The following DUOX1 variants were observed in gnomAD, a reference collection of about 807,000 sequenced individuals.
DUOX1 encodes the protein NADPH thyroid oxidase 1.
DUOX1 carries 134 observed loss-of-function variants against 181.8 expected under a neutral mutation model. The ratio of observed to expected loss-of-function variants is 0.74; its 90% CI spans 0.64 to 0.85. The LOEUF is 0.85. Among genes scored for constraint, DUOX1 ranks in the 40% least tolerant of loss-of-function variants. DUOX1 has a pLI of 0.00. For synonymous variants in DUOX1, 798 were observed against 832.5 expected, an observed-to-expected ratio of 0.96 and a Z score of 0.71; for missense variants, 1,814 against 2,064.4, an observed-to-expected ratio of 0.88 and a Z score of 2.35.
chr15:45,147,399 T>C, intron 18 of DUOX1, 34 bp from the exon 19 acceptor site: 2 of 1,602,576 alleles, frequency 1.2e-6, no homozygotes, highest in South Asian at 2.2e-5. Flanking sequence ...AAGCCTTGTC[T>C]CCTCTCCCTC....
At chr15:45,146,844 TG>T (rs1457615330) in intron 18 of DUOX1, among the ~76,000 whole-genome samples, 8 of 152,230 alleles carry the variant, frequency 5.3e-5, no homozygotes, top group Non-Finnish European at 1.0e-4. Flanking sequence ...TCTCTCATAC[TG>T]GGGAAGCCTC....
chr15:45,162,208 C>G lies in DUOX1; in HGVS notation c.4090-11C>G. The G allele has an allele frequency of 6.3e-7, 1 of 1,596,910 alleles. No individual in the cohort carries two copies. The highest frequency in any genetic ancestry group is 8.5e-7 in the Non-Finnish European group (1 of 1,170,130). The stretch of plus-strand genomic sequence containing the variant: ...GCCAAGCTTAACTGAAACCCACGCC[C>G]CTCCCTACAGCTGTACCTTGATGGA... On this transcript the variant is annotated splice_polypyrimidine_tract_variant and intron_variant, in intron 30 of 33. Transcript: ENST00000389037.
chr15:45,137,360 CAA>C lies in DUOX1; in HGVS notation c.1023-541_1023-540del, dbSNP rs748162336. On this transcript the variant is annotated intron_variant, in intron 9 of 33. Coordinates refer to ENST00000389037, the MANE Select transcript of DUOX1 (RefSeq NM_175940.3). The stretch of plus-strand genomic sequence containing the variant: ...GGACAACAAGAGTGAAACTCCATCT[CAA>C]AAAAAAAAAAAAAAAAAAAAAAGAC... Among the ~76,000 whole-genome samples the C allele has an allele frequency of 2.6e-3, 119 of 46,448 alleles. 1 individual carries two copies. The East Asian group carries it at 0.043, about 17-fold the overall frequency. The allele number at this position is 46,448 out of a possible 152,430, so 30.5% of individuals were successfully genotyped here.
rs1897160940 is a variant in DUOX1 at position 45,163,703 on chromosome 15, C to T, written c.4404+16C>T. 6.2e-7 allele frequency: 1 copy of T among 1,613,954 alleles called. No homozygotes were observed. Among genetic ancestry groups the T allele is most frequent in the Admixed American group, 1.7e-5 (1 of 59,992 alleles). Reference sequence around the variant, plus strand: ...CACTATGCTGGTATGTCAGGGCCCACCAGGAGGGTATGCGGGCCACTGTCT... The same window carrying T: ...CACTATGCTGGTATGTCAGGGCCCATCAGGAGGGTATGCGGGCCACTGTCT... On this transcript the variant is annotated intron_variant, in intron 32 of 33. Coordinates refer to ENST00000389037, the MANE Select transcript of DUOX1 (RefSeq NM_175940.3).
chr15:45,153,494 ATGTGTGTGTGTGTGTGTGTGTGTGTG>A lies in DUOX1; in HGVS notation c.3524+43_3524+68del, dbSNP rs58154992. 3.4e-5 allele frequency: 30 copies of A among 886,734 alleles called. No homozygotes were observed. The highest frequency in any genetic ancestry group is 2.2e-4 in the African/African-American group (11 of 50,314). 54.9% of individuals were successfully genotyped at this position (886,734 alleles called of 1,614,324 possible). ...CATGATGATGGGTGAGTAAGTGCGAATGTGTGTGTGTGTGTGTGTGTGTGTGTGTGTGTGTGTGTGTGTGTGTGTGT... is the reference window on the plus strand; with the variant it reads ...CATGATGATGGGTGAGTAAGTGCGAATGTGTGTGTGTGTGTGTGTGTGTGT... On this transcript the variant is annotated intron_variant, in intron 26 of 33. Coordinates refer to ENST00000389037, the MANE Select transcript of DUOX1 (RefSeq NM_175940.3).
In DUOX1 at chr15:45,152,588, C is replaced by T. The variant is rs1012611341; in HGVS notation, c.3424+72C>T. ...CGCTGACTTCCCCTCGTATGAGAGCCCCCCTCTCTGCTGGCACTTACCTTT... is the reference window on the plus strand; with the variant it reads ...CGCTGACTTCCCCTCGTATGAGAGCTCCCCTCTCTGCTGGCACTTACCTTT... On this transcript the variant is annotated intron_variant, in intron 25 of 33. Transcript: ENST00000389037. 2.2e-6 allele frequency: 3 copies of T among 1,362,794 alleles called. No homozygotes were observed. The African/African-American group carries it at 4.3e-5, about 20-fold the overall frequency. The allele number at this position is 1,362,794 out of a possible 1,614,324, so 84.4% of individuals were successfully genotyped here. A position where few individuals can be genotyped will look rare whatever the true frequency, so the allele number is the denominator to read the frequency against.
At chr15:45,131,697 C>T in intron 1 of DUOX1, 1 of 492,024 alleles carries the variant, frequency 2.0e-6, no homozygotes, top group African/African-American at 2.0e-5. Context: ...TTTTGTTCGT[C>T]ACTTAATCTC....
Position 45,135,117 on chromosome 15 carries a change from T to C in DUOX1, c.321T>C (p.Leu107=), listed in dbSNP as rs76702834. 6.5e-3 allele frequency: 10,539 copies of C among 1,613,552 alleles called. 462 individuals are homozygous for C. The African/African-American group carries it at 0.11, about 16-fold the overall frequency. Residue 107 remains leucine, a synonymous_variant, in exon 5 of 34, where the codon CTT becomes CTC. Transcript: ENST00000389037. ...CACTGCCCGCAGGCTATCACGTGCT[T>C]TCAGACCTGGTGAGCGTGGAAACTC... ...VLGVFFGYHV[L]SDLVSVETPG...
intron 15 of DUOX1, 46 bp downstream of exon 15, chr15:45,142,158 G>A: frequency 1.3e-6 from 2 of 1,591,810 alleles, no homozygotes; most frequent in Non-Finnish European, 1.7e-6. Flanking sequence ...TGCAAGCTAG[G>A]GGATGCAGTT....
chr15:45,144,514 C>T (rs1199148936), intron 17 of DUOX1, among the ~76,000 whole-genome samples: 1 of 152,230 alleles, frequency 6.6e-6, no homozygotes, highest in Non-Finnish European at 1.5e-5. Flanking sequence ...CAGGTCCCAG[C>T]TGGGTGTCCT....
intron 21 of DUOX1, 48 bp from the exon 22 acceptor site, chr15:45,150,584 C>A: frequency 1.3e-6 from 2 of 1,586,380 alleles, no homozygotes; most frequent in Non-Finnish European, 1.7e-6. Context: ...CCAGGTCTTC[C>A]TGGGCTCTGG....
rs551176660 is a variant in DUOX1 at position 45,153,202 on chromosome 15, C to T, written c.3425-178C>T. 5 of 464,448 alleles carry T rather than the reference C, an allele frequency of 1.1e-5. No homozygotes were observed. The East Asian group carries it at 1.3e-4, about 12-fold the overall frequency. The allele number at this position is 464,448 out of a possible 1,614,324, so 28.8% of individuals were successfully genotyped here. ...CACCACTGCCCTCCAGCCTGGGTGA[C>T]AGAGTGAGACTCCATCTAAAAAAAA... On this transcript the variant is annotated intron_variant, in intron 25 of 33. Transcript: ENST00000389037.
intron 23 of DUOX1, among the ~76,000 whole-genome samples, chr15:45,151,527 G>A (rs1484795768): frequency 1.3e-5 from 2 of 152,172 alleles, no homozygotes; most frequent in Non-Finnish European, 2.9e-5. Context: ...CATGGAAGAG[G>A]TGTCCTTTGA....
At chr15:45,137,507 C>A (rs1389041520) in intron 9 of DUOX1, among the ~76,000 whole-genome samples, 2 of 151,782 alleles carry the variant, frequency 1.3e-5, no homozygotes, top group Non-Finnish European at 2.9e-5. Context: ...CTGGAATAAT[C>A]TCTGGGGTAT....
At chr15:45,148,196 C>T (rs1215019215) in intron 20 of DUOX1, 76 bp from the exon 21 acceptor site, 18 of 1,596,266 alleles carry the variant, frequency 1.1e-5, no homozygotes, top group South Asian at 5.6e-5. Flanking sequence ...GAACTTGGTG[C>T]GATGGAGTCA....
At chr15:45,133,726 C>G (rs1290356567) in intron 2 of DUOX1, 138 bp from the exon 3 acceptor site, 4 of 726,570 alleles carry the variant, frequency 5.5e-6, no homozygotes, top group Non-Finnish European at 7.1e-6. Context: ...CCCTCTGCAC[C>G]CTACCTCTCA....
chr15:45,131,772 A>G (rs539479686), intron 1 of DUOX1, 146 bp from the exon 2 acceptor site: 30 of 612,234 alleles, frequency 4.9e-5, no homozygotes, highest in African/African-American at 4.6e-4. Flanking sequence ...TCAATTAAAG[A>G]ATTTTCGGAA....
At chr15:45,162,521 T>C in intron 31 of DUOX1, 144 bp downstream of exon 31, 1 of 1,060,006 alleles carries the variant, frequency 9.4e-7, no homozygotes, top group Non-Finnish European at 1.3e-6. Flanking sequence ...GGTTGGGTGG[T>C]GAGTGGGGTG....
At chr15:45,150,496 C>G in intron 21 of DUOX1, 136 bp from the exon 22 acceptor site, 1 of 792,710 alleles carries the variant, frequency 1.3e-6, no homozygotes. Flanking sequence ...GTTGGAGCAC[C>G]CGAAAGCAGG....
Sources: gnomAD v4.1 joint callset for allele counts (sites outside exome capture counted in the v4.1 genomes callset) on GRCh38, gnomAD v4.1.1 for gene constraint, MANE v1.5 for transcripts, NCBI Gene and HGNC (gene_info 2026-07-23, HGNC 2026-07-21) for gene names.